The following FNDC3A variants were observed in gnomAD, a reference collection of about 807,000 sequenced individuals.
FNDC3A encodes fibronectin type-III domain-containing protein 3A.
In FNDC3A, 32 loss-of-function variants were observed where a neutral mutation model predicts 148.9. The observed-to-expected ratio is 0.21, with a 90% confidence interval of 0.16 to 0.29. FNDC3A has a LOEUF of 0.29. Among genes scored for constraint, FNDC3A ranks in the 10% least tolerant of loss-of-function variants. The probability of loss-of-function intolerance (pLI) is 1.00; values close to 1 mark genes in which losing one functional copy is unlikely to be tolerated. For synonymous variants in FNDC3A, 472 were observed against 473.6 expected, an observed-to-expected ratio of 1.00 and a Z score of 0.04; for missense variants, 1,191 against 1,452.8, an observed-to-expected ratio of 0.82 and a Z score of 2.93.
chr13:49,138,956 C>T, intron 7 of FNDC3A, 151 bp downstream of exon 7: 1 of 442,396 alleles, frequency 2.3e-6, no homozygotes, highest in East Asian at 3.5e-5. Flanking sequence ...CTATGGTATG[C>T]TTTAGCTATC....
intron 9 of FNDC3A, 47 bp downstream of exon 9, chr13:49,167,350 T>G (rs755719142): frequency 5.7e-6 from 5 of 883,490 alleles, no homozygotes; most frequent in South Asian, 2.1e-5. Flanking sequence ...GCATAAGGGG[T>G]TTTTTTTTTA....
chr13:49,020,241 T>C (rs906457093), intron 2 of FNDC3A, among the ~76,000 whole-genome samples: 3 of 152,130 alleles, frequency 2.0e-5, no homozygotes, highest in Admixed American at 6.5e-5. Flanking sequence ...TATTGTAATA[T>C]CAGATTAAAA....
chr13:49,069,422 C>T (rs1018325384), intron 2 of FNDC3A, among the ~76,000 whole-genome samples: 1 of 152,084 alleles, frequency 6.6e-6, no homozygotes, highest in Admixed American at 6.5e-5. Flanking sequence ...CCCGTGTTCC[C>T]CCACCCCCAT....
At chr13:48,991,767 C>T (rs964531819) in intron 1 of FNDC3A, among the ~76,000 whole-genome samples, 1 of 152,014 alleles carries the variant, frequency 6.6e-6, no homozygotes, top group African/African-American at 2.4e-5. Flanking sequence ...AATACAGATG[C>T]TCTTTAATTC....
intron 16 of FNDC3A, 123 bp from the exon 17 acceptor site, chr13:49,188,392 A>T: frequency 1.5e-6 from 1 of 665,316 alleles, no homozygotes; most frequent in Non-Finnish European, 2.7e-6. Context: ...AAACAAACCT[A>T]AATTGTTTCT....
intron 1 of FNDC3A, among the ~76,000 whole-genome samples, chr13:48,977,276 T>G (rs1266178101): frequency 6.6e-6 from 1 of 152,190 alleles, no homozygotes; most frequent in Admixed American, 6.5e-5. Context: ...TGGTCTGTGT[T>G]TTTTAGTTCT....
At chr13:49,073,037 A>G (rs1171695544) in intron 2 of FNDC3A, among the ~76,000 whole-genome samples, 4 of 152,196 alleles carry the variant, frequency 2.6e-5, no homozygotes, top group African/African-American at 4.8e-5. Context: ...GCGCATATCC[A>G]TACAAACTAG....
At chr13:49,020,594 G>A (rs1202645655) in intron 2 of FNDC3A, among the ~76,000 whole-genome samples, 1 of 152,220 alleles carries the variant, frequency 6.6e-6, no homozygotes, top group African/African-American at 2.4e-5. Flanking sequence ...TGGTATCCTG[G>A]TGAACTACTT....
At chr13:49,136,830 T>G (rs1882393445) in intron 6 of FNDC3A, among the ~76,000 whole-genome samples, 1 of 152,108 alleles carries the variant, frequency 6.6e-6, no homozygotes, top group Admixed American at 6.5e-5. Flanking sequence ...TAATCCAGAT[T>G]CCTTTCTTCT....
chr13:49,207,070 T>C lies in FNDC3A; in HGVS notation c.3283-11T>C. The stretch of plus-strand genomic sequence containing the variant: ...CACACGTAATTCTTCCTTCTAATAT[T>C]TTATTAACAGATTTACAAGGGTCCC... On this transcript the variant is annotated splice_polypyrimidine_tract_variant and intron_variant, in intron 25 of 25. Coordinates refer to ENST00000492622, the MANE Select transcript of FNDC3A (RefSeq NM_001079673.2). 6.3e-7 allele frequency: 1 copy of C among 1,597,628 alleles called. No homozygotes were observed. The highest frequency in any genetic ancestry group is 8.6e-7 in the Non-Finnish European group (1 of 1,166,892).
chr13:49,032,030 C>T (rs935211988), intron 2 of FNDC3A, among the ~76,000 whole-genome samples: 8 of 152,134 alleles, frequency 5.3e-5, no homozygotes, highest in African/African-American at 1.2e-4. Flanking sequence ...GTACTATAAG[C>T]ATATGAAAGA....
intron 4 of FNDC3A, among the ~76,000 whole-genome samples, chr13:49,128,375 A>G (rs1881830736): frequency 6.6e-6 from 1 of 152,192 alleles, no homozygotes; most frequent in African/African-American, 2.4e-5. Context: ...ATAAGGTTAC[A>G]TCAGGAATTC....
Position 49,187,128 on chromosome 13 carries a change from C to T in FNDC3A, c.1763C>T (p.Pro588Leu). The T allele has an allele frequency of 6.2e-7, 1 of 1,611,588 alleles. No individual in the cohort carries two copies. Among genetic ancestry groups the T allele is most frequent in the Non-Finnish European group, 8.5e-7 (1 of 1,178,542 alleles). Residue 588 changes from proline (P) to leucine (L), a missense_variant, in exon 16 of 26, where the codon CCA becomes CTA. Around this residue, in one of 3 missense-constraint regions of FNDC3A, gnomAD observed 751 missense variants for 944.0 expected, o/e 0.80. Coordinates refer to ENST00000492622, the MANE Select transcript of FNDC3A (RefSeq NM_001079673.2). ...SHSFKITWDPPKDNGGATINK... is the reference protein window; with the variant it reads ...SHSFKITWDPLKDNGGATINK... ...ACTTTGCTTCTTTGGATAGATCCAC[C>T]AAAAGACAATGGCGGAGCAACCATC...
At chr13:49,135,234 T>G (rs1001728488) in intron 5 of FNDC3A, among the ~76,000 whole-genome samples, 4 of 152,154 alleles carry the variant, frequency 2.6e-5, no homozygotes, top group African/African-American at 9.7e-5. Context: ...TTTGTCTTTT[T>G]ATTGTTGAAA....
intron 2 of FNDC3A, among the ~76,000 whole-genome samples, chr13:49,063,860 A>G (rs1877067856): frequency 6.6e-6 from 1 of 152,218 alleles, no homozygotes; most frequent in Non-Finnish European, 1.5e-5. Flanking sequence ...TATTGATATA[A>G]TAATTCTTCT....
intron 3 of FNDC3A, among the ~76,000 whole-genome samples, chr13:49,088,681 C>T (rs562734860): frequency 2.4e-4 from 37 of 152,208 alleles, no homozygotes; most frequent in African/African-American, 8.7e-4. Context: ...ATGCATTCTC[C>T]TGTTTTTTTT....
chr13:49,150,019 T>C (rs375439440), intron 8 of FNDC3A, among the ~76,000 whole-genome samples: 9 of 152,328 alleles, frequency 5.9e-5, no homozygotes, highest in African/African-American at 1.9e-4. Flanking sequence ...TTATCAGTTG[T>C]AGTGTCTCCT....
intron 2 of FNDC3A, among the ~76,000 whole-genome samples, chr13:49,040,248 C>T (rs1874821769): frequency 1.3e-5 from 2 of 152,240 alleles, no homozygotes; most frequent in South Asian, 4.1e-4. Context: ...TCAGGATACA[C>T]TAAAAATGCT....
chr13:49,138,205 A>G (rs1882492185), intron 6 of FNDC3A, among the ~76,000 whole-genome samples: 1 of 152,088 alleles, frequency 6.6e-6, no homozygotes, highest in Non-Finnish European at 1.5e-5. Context: ...TATTAACAAC[A>G]TTTACATAAA....
Sources: allele counts gnomAD v4.1 joint callset (sites outside exome capture counted in the v4.1 genomes callset), GRCh38; gene constraint gnomAD v4.1.1; regional missense constraint gnomAD v4.1.1; transcripts MANE v1.5; gene names NCBI Gene and HGNC (gene_info 2026-07-23, HGNC 2026-07-21).